HECW1: variants seen among roughly 807,000 people sequenced by gnomAD.
The protein encoded by HECW1 is HECT, C2 and WW domain containing E3 ubiquitin protein ligase 1.
In HECW1, 61 loss-of-function variants were observed where a neutral mutation model predicts 182.3. The ratio of observed to expected loss-of-function variants is 0.33; its 90% CI spans 0.27 to 0.41. HECW1 has a LOEUF of 0.41. Ranked by LOEUF, HECW1 falls within the 10% of genes least tolerant of loss-of-function variation. The pLI is 1.00. For missense variants in HECW1, 1,739 were observed against 2,108.9 expected (o/e 0.82, Z 3.44); for synonymous variants, 859 against 832.6 (o/e 1.03, Z -0.55).
Position 43,466,535 on chromosome 7 carries a change from C to G in HECW1, c.2880C>G (p.Asn960Lys). Residue 960 changes from asparagine to lysine, a missense_variant, in exon 15 of 30, where the codon AAC (asparagine) becomes AAG (lysine). Asn to Lys is a moderately conservative substitution (Grantham distance 94). Transcript: ENST00000395891. Reference sequence around the variant, plus strand: ...CCCCAGCGGTCAAGTTCATCACCAACCCCGAGTTCTTCACTGTGCTACATG... The same window carrying G: ...CCCCAGCGGTCAAGTTCATCACCAAGCCCGAGTTCTTCACTGTGCTACATG... ...LQSPAVKFIT[N>K]PEFFTVLHAN... 1 of 1,613,692 alleles carries G rather than the reference C, an allele frequency of 6.2e-7. No individual in the cohort carries two copies. The highest frequency in any genetic ancestry group is 8.5e-7 in the Non-Finnish European group (1 of 1,179,846).
At chr7:43,161,448 G>A (rs1370054509) in intron 2 of HECW1, among the ~76,000 whole-genome samples, 1 of 152,208 alleles carries the variant, frequency 6.6e-6, no homozygotes, top group Admixed American at 6.5e-5. Context: ...TGTAATTACA[G>A]TGCTTGGTGC....
intron 24 of HECW1, among the ~76,000 whole-genome samples, chr7:43,537,749 T>G (rs2081228460): frequency 6.6e-6 from 1 of 152,236 alleles, no homozygotes; most frequent in Non-Finnish European, 1.5e-5. Flanking sequence ...TGTGGTTATG[T>G]AAAGCCAAAC....
chr7:43,180,749 A>G (rs1023984605), intron 2 of HECW1, among the ~76,000 whole-genome samples: 1 of 152,234 alleles, frequency 6.6e-6, no homozygotes, highest in African/African-American at 2.4e-5. Flanking sequence ...TATGAAGTAC[A>G]ATGTGATGTC....
intron 3 of HECW1, among the ~76,000 whole-genome samples, chr7:43,282,202 G>A (rs1389991684): frequency 2.0e-5 from 3 of 152,218 alleles, no homozygotes; most frequent in Non-Finnish European, 4.4e-5. Context: ...CCTCCAGCCA[G>A]GATGCTTAAT....
At chr7:43,313,401 G>A (rs1176083732) in intron 4 of HECW1, among the ~76,000 whole-genome samples, 1 of 149,452 alleles carries the variant, frequency 6.7e-6, no homozygotes, top group South Asian at 2.1e-4. Context: ...TCAGTGGTGC[G>A]ATCTCAGCTC....
intron 16 of HECW1, among the ~76,000 whole-genome samples, chr7:43,474,991 G>A (rs2078167457): frequency 6.6e-6 from 1 of 152,200 alleles, no homozygotes; most frequent in Admixed American, 6.5e-5. Context: ...AGAAAATGAG[G>A]AGTTATTGTT....
chr7:43,366,996 A>T (rs902415386), intron 6 of HECW1, among the ~76,000 whole-genome samples: 1 of 152,164 alleles, frequency 6.6e-6, no homozygotes, highest in Admixed American at 6.5e-5. Context: ...TATGTAAAGA[A>T]CTGTCTCTGC....
At chr7:43,441,180 G>A (rs2076874678) in intron 9 of HECW1, among the ~76,000 whole-genome samples, 1 of 152,174 alleles carries the variant, frequency 6.6e-6, no homozygotes, top group African/African-American at 2.4e-5. Context: ...TAATAGCAAA[G>A]TTTCAGGTTG....
Position 43,564,477 on chromosome 7 carries a change from AT to A in HECW1, c.*2556del. 1 of 188,202 alleles carries A rather than the reference AT, an allele frequency of 5.3e-6. No homozygotes were observed. Among genetic ancestry groups the A allele is most frequent in the Non-Finnish European group, 1.1e-5 (1 of 89,160 alleles). 11.7% of individuals were successfully genotyped at this position (188,202 alleles called of 1,614,324 possible). On this transcript the variant is annotated 3_prime_UTR_variant, in exon 30 of 30. Transcript: ENST00000395891. The stretch of plus-strand genomic sequence containing the variant: ...TAGATAGGTAACTTTGGCATACATG[AT>A]TTTTCAACTACCGTTTCCTTATCCA...
chr7:43,353,879 T>C (rs963611923), intron 5 of HECW1, among the ~76,000 whole-genome samples: 3 of 152,110 alleles, frequency 2.0e-5, no homozygotes, highest in African/African-American at 7.2e-5. Flanking sequence ...AACTCTGAGA[T>C]ATAGCTCAGC....
chr7:43,173,889 G>A (rs1791948070), intron 2 of HECW1, among the ~76,000 whole-genome samples: 1 of 151,890 alleles, frequency 6.6e-6, no homozygotes. Context: ...TGTTAGTCTG[G>A]GGTGGGGTGG....
intron 19 of HECW1, among the ~76,000 whole-genome samples, chr7:43,496,581 G>A (rs1445616758): frequency 6.6e-6 from 1 of 152,148 alleles, no homozygotes; most frequent in Non-Finnish European, 1.5e-5. Flanking sequence ...AGGAGTTGAA[G>A]AGAATACCAC....
intron 8 of HECW1, among the ~76,000 whole-genome samples, chr7:43,426,770 A>G (rs1392972562): frequency 6.6e-6 from 1 of 152,142 alleles, no homozygotes; most frequent in African/African-American, 2.4e-5. Flanking sequence ...TATCAATTCA[A>G]TTATTTGTTA....
chr7:43,145,191 G>C (rs1054002528), intron 2 of HECW1, among the ~76,000 whole-genome samples: 1 of 152,170 alleles, frequency 6.6e-6, no homozygotes, highest in Non-Finnish European at 1.5e-5. Context: ...TGATTGGATT[G>C]TGGGTTAAGC....
chr7:43,125,780 A>AAAAAAAAAGG (rs1288469451), intron 2 of HECW1, among the ~76,000 whole-genome samples: 1 of 148,572 alleles, frequency 6.7e-6, no homozygotes, highest in East Asian at 2.0e-4. Context: ...AAAAAAAAAA[A>AAAAAAAAAGG]GAGTGAGGCA....
chr7:43,346,147 C>T (rs909661385), intron 5 of HECW1, among the ~76,000 whole-genome samples: 2 of 152,086 alleles, frequency 1.3e-5, no homozygotes, highest in African/African-American at 4.8e-5. Context: ...CACATCCACG[C>T]CAACATCTAC....
rs1796289908 is a variant in HECW1, at chr7:43,214,672, TA to T, written c.-31-29199del. 2.6e-5 allele frequency among the ~76,000 whole-genome samples: 4 copies of T among 152,126 alleles called. No homozygotes were observed. The South Asian group carries it at 8.3e-4, about 32-fold the overall frequency. On this transcript the variant is annotated intron_variant, in intron 2 of 29. Transcript: ENST00000395891. ...GGTGCCTAATTTAAGGAGCATTTCA[TA>T]AAAGGACTGTTGACCAAGGCATGGG...
intron 3 of HECW1, among the ~76,000 whole-genome samples, chr7:43,295,165 T>A (rs1805881515): frequency 6.6e-6 from 1 of 152,186 alleles, no homozygotes; most frequent in South Asian, 2.1e-4. Flanking sequence ...AGGTATGCAT[T>A]GTCTCGTGTG....
At chr7:43,416,420 T>C (rs2075999292) in intron 8 of HECW1, among the ~76,000 whole-genome samples, 1 of 151,008 alleles carries the variant, frequency 6.6e-6, no homozygotes, top group African/African-American at 2.4e-5. Flanking sequence ...GGAGAACCAC[T>C]GCTCTCTTCA....
Sources: gnomAD v4.1 joint callset for allele counts (sites outside exome capture counted in the v4.1 genomes callset) on GRCh38, gnomAD v4.1.1 for gene constraint, MANE v1.5 for transcripts, NCBI Gene and HGNC (gene_info 2026-07-23, HGNC 2026-07-21) for gene names.